Variants in PDE6B observed in about 807,000 individuals in gnomAD.
The protein encoded by PDE6B is rod cGMP-specific 3',5'-cyclic phosphodiesterase subunit beta.
PDE6B carries 106 observed loss-of-function variants against 109.0 expected under a neutral mutation model. The observed-to-expected ratio is 0.97, with a 90% CI of 0.83 to 1.14. The LOEUF (loss-of-function observed/expected upper bound fraction) is 1.14. PDE6B is among the 50% of genes most tolerant of loss of function. The pLI is 0.00. For synonymous variants in PDE6B, 490 were observed against 471.3 expected (o/e 1.04, Z -0.51); for missense variants, 1,193 against 1,155.6 (o/e 1.03, Z -0.47).
At chr4:654,417 C>A in intron 5 of PDE6B, 1 of 630,262 alleles carries the variant, frequency 1.6e-6, no homozygotes. Flanking sequence ...GGGGCTCCTG[C>A]TGCCCCATCT....
At chr4:637,901 G>A (rs954026776) in intron 3 of PDE6B, among the ~76,000 whole-genome samples, 4 of 152,210 alleles carry the variant, frequency 2.6e-5, no homozygotes, top group Admixed American at 2.0e-4. Context: ...GCTGTCCTCC[G>A]CACAGGCACT....
intron 6 of PDE6B, chr4:655,646 G>C (rs1736131663): frequency 1.9e-6 from 1 of 515,330 alleles, no homozygotes; most frequent in Non-Finnish European, 3.5e-6. Context: ...GAACCCCCTG[G>C]CACTCAGAGA....
rs1737690400 is a variant in PDE6B at position 665,472 on chromosome 4, T to C, written c.2268+143T>C. On this transcript the variant is annotated intron_variant, in intron 19 of 21. Coordinates refer to ENST00000496514, the MANE Select transcript of PDE6B (RefSeq NM_000283.4). This position sits in a 1 kb window ranked among gnomAD's most constrained non-coding sequence, Gnocchi z 4.0. ...CCTTATCTCACTTTGTGGGATCATG[T>C]GACATGCGTGTGGGTGGCTCGGACC... The C allele has an allele frequency of 7.1e-6, 5 of 708,048 alleles. No individual in the cohort carries two copies. Among genetic ancestry groups the C allele is most frequent in the Non-Finnish European group, 1.3e-5 (5 of 382,226 alleles). 43.9% of individuals were successfully genotyped at this position (708,048 alleles called of 1,614,324 possible).
At chr4:649,835 C>T (rs72613108) in intron 3 of PDE6B, among the ~76,000 whole-genome samples, 21,513 of 152,174 alleles carry the variant, frequency 0.14, 1,684 homozygotes, top group East Asian at 0.2. Flanking sequence ...CTCCTGGCCC[C>T]TCCTTCCCAT....
Position 660,087 on chromosome 4 carries a change from C to T in PDE6B, c.1468-380C>T, listed in dbSNP as rs73219283. ...GGTGCTCATGTGTGTGCCTGTGTGT[C>T]CACACCGGTGCCTTTGTATTCATGG... On this transcript the variant is annotated intron_variant, in intron 11 of 21. Transcript: ENST00000496514. Among the ~76,000 whole-genome samples, 745 of 152,212 alleles carry T rather than the reference C, an allele frequency of 4.9e-3. 2 individuals are homozygous for T. The highest frequency in any genetic ancestry group is 8.4e-3 in the Non-Finnish European group (573 of 67,994).
At chr4:634,884 C>G (rs112849920) in intron 2 of PDE6B, 55 bp downstream of exon 2, 8 of 1,487,158 alleles carry the variant, frequency 5.4e-6, no homozygotes, top group Non-Finnish European at 7.5e-6. Flanking sequence ...CCTGCCTGCC[C>G]GCCCGCCTGT....
rs776905782 is a variant in PDE6B, at chr4:657,001, A to T, written c.1235A>T (p.Glu412Val). The change falls in exon 9 of 22, where the codon GAA (glutamate) becomes GTA (valine). Residue 412 changes from glutamate (E) to valine (V), a missense_variant. Physicochemically the swap from Glu to Val is moderately radical, Grantham distance 121. Coordinates refer to ENST00000496514, the MANE Select transcript of PDE6B (RefSeq NM_000283.4). ...YNRKDGKPFD[E>V]QDEVLMESLT... The stretch of plus-strand genomic sequence containing the variant: ...AGGAAAGACGGGAAGCCCTTTGACG[A>T]ACAGGACGAGGTTCTCATGGAGGTA... 2.5e-6 allele frequency: 4 copies of T among 1,613,152 alleles called. No individual in the cohort carries two copies. In the African/African-American group the frequency reaches 5.3e-5, roughly 22 times the overall value.
intron 1 of PDE6B, among the ~76,000 whole-genome samples, chr4:627,186 A>C (rs1364351075): frequency 1.3e-5 from 2 of 149,076 alleles, no homozygotes; most frequent in African/African-American, 5.0e-5. Flanking sequence ...TTGCTCTGTC[A>C]CCAGGCTGGA....
At chr4:667,537 G>A (rs1170036994) in intron 20 of PDE6B, among the ~76,000 whole-genome samples, 3 of 152,164 alleles carry the variant, frequency 2.0e-5, no homozygotes, top group Non-Finnish European at 2.9e-5. Context: ...GCTGCCTGCT[G>A]TCCGCCTGTG....
At chr4:639,561 G>C (rs1734850228) in intron 3 of PDE6B, among the ~76,000 whole-genome samples, 1 of 152,250 alleles carries the variant, frequency 6.6e-6, no homozygotes, top group Non-Finnish European at 1.5e-5. Context: ...GGGCAGGAGA[G>C]ATGCCTCTAA....
rs867408880 is a variant in PDE6B at position 626,696 on chromosome 4, G to A, written c.468+602G>A. The stretch of plus-strand genomic sequence containing the variant: ...GGGGTCCAGGGTGGGACTGGGGAGG[G>A]ACAAGAGACAGAATCGAGACAGGCT... On this transcript the variant is annotated intron_variant, in intron 1 of 21. Transcript: ENST00000496514. This position sits in a 1 kb window ranked among gnomAD's most constrained non-coding sequence, Gnocchi z 4.6. Among the ~76,000 whole-genome samples the A allele has an allele frequency of 2.0e-5, 3 of 152,220 alleles. No homozygotes were observed. The highest frequency in any genetic ancestry group is 2.9e-5 in the Non-Finnish European group (2 of 68,036).
chr4:627,473 G>A (rs1026721655), intron 1 of PDE6B, among the ~76,000 whole-genome samples: 1 of 152,090 alleles, frequency 6.6e-6, no homozygotes, highest in Non-Finnish European at 1.5e-5. Flanking sequence ...TATCCCAATG[G>A]CAGTAAGCAA....
chr4:635,228 C>T (rs1275338156), intron 2 of PDE6B, among the ~76,000 whole-genome samples: 12 of 85,106 alleles, frequency 1.4e-4, no homozygotes, highest in Admixed American at 4.0e-4. Context: ...GCTGCGTGTC[C>T]ACCTCCTTAC....
rs1179515943 is a variant in PDE6B at position 657,352 on chromosome 4, C to A, written c.1259C>A (p.Ser420Tyr). The A allele has an allele frequency of 5.0e-6, 8 of 1,612,812 alleles. No homozygotes were observed. The highest frequency in any genetic ancestry group is 6.8e-6 in the Non-Finnish European group (8 of 1,179,864). ...FDEQDEVLME[S>Y]LTQFLGWSVM... is the part of the protein sequence containing the mutation. ...CAGTGACACTGCCATCCCCTCCAGT[C>A]CCTGACACAGTTCCTGGGCTGGTCA... Residue 420 changes from serine to tyrosine, a missense_variant and splice_region_variant, in exon 10 of 22, where the codon TCC (serine) becomes TAC (tyrosine). Ser to Tyr is a moderately radical substitution (Grantham distance 144). Coordinates refer to ENST00000496514, the MANE Select transcript of PDE6B (RefSeq NM_000283.4).
chr4:654,976 C>T, intron 6 of PDE6B, 88 bp downstream of exon 6: 1 of 848,852 alleles, frequency 1.2e-6, no homozygotes, highest in Non-Finnish European at 2.1e-6. Flanking sequence ...CCTCCCAGGG[C>T]TTCCCACGGT....
Position 663,620 on chromosome 4 carries a change from G to GA in PDE6B, c.1921-149dup. 1.4e-6 allele frequency: 1 copy of GA among 692,472 alleles called. No individual in the cohort carries two copies. The highest frequency in any genetic ancestry group is 2.6e-6 in the Non-Finnish European group (1 of 377,990). 42.9% of individuals were successfully genotyped at this position (692,472 alleles called of 1,614,324 possible). A position where few individuals can be genotyped will look rare whatever the true frequency, so the allele number is the denominator to read the frequency against. On this transcript the variant is annotated intron_variant, in intron 15 of 21. Transcript: ENST00000496514. This position sits in a 1 kb window ranked among gnomAD's most constrained non-coding sequence, Gnocchi z 4.0. The stretch of plus-strand genomic sequence containing the variant: ...AGCTGGGCACCCTGAGGAGGGCCCT[G>GA]AGCAGCAGGCGGATTAGGGGTCCCG...
Position 663,916 on chromosome 4 carries a change from C to T in PDE6B, c.2021+46C>T. On this transcript the variant is annotated intron_variant, in intron 16 of 21. Coordinates refer to ENST00000496514, the MANE Select transcript of PDE6B (RefSeq NM_000283.4). The surrounding 1 kb of genome is among the most constrained non-coding windows in gnomAD (Gnocchi z 4.0). Reference sequence around the variant, plus strand: ...GGCGCCTCGCGGGGCGGGCGGGTAGCCTGGGACCCCCGGCAGACACGGGGG... The same window carrying T: ...GGCGCCTCGCGGGGCGGGCGGGTAGTCTGGGACCCCCGGCAGACACGGGGG... 1.4e-5 allele frequency: 20 copies of T among 1,415,010 alleles called. No individual in the cohort carries two copies. Among genetic ancestry groups the T allele is most frequent in the Non-Finnish European group, 1.8e-5 (18 of 1,018,932 alleles). 87.7% of individuals were successfully genotyped at this position (1,415,010 alleles called of 1,614,324 possible).
At chr4:643,082 G>A (rs1213420510) in intron 3 of PDE6B, among the ~76,000 whole-genome samples, 2 of 152,058 alleles carry the variant, frequency 1.3e-5, no homozygotes, top group African/African-American at 4.8e-5. Context: ...GGTTGAGGCG[G>A]GCGGATCACG....
At position 663,705 on chromosome 4, in the gene PDE6B, G is replaced by A; in HGVS notation, c.1921-65G>A. The A allele has an allele frequency of 8.3e-7, 1 of 1,206,922 alleles. No homozygotes were observed. 74.8% of individuals were successfully genotyped at this position (1,206,922 alleles called of 1,614,324 possible). ...CACAGGCAGCCGAGGCGGAAGGGGC[G>A]GGGTCCCCGGGCACCCTGAGAGGTG... is the stretch of plus-strand genomic sequence containing the variant. On this transcript the variant is annotated intron_variant, in intron 15 of 21. Coordinates refer to ENST00000496514, the MANE Select transcript of PDE6B (RefSeq NM_000283.4). This position sits in a 1 kb window ranked among gnomAD's most constrained non-coding sequence, Gnocchi z 4.0.
Sources: gnomAD v4.1 joint callset for allele counts (sites outside exome capture counted in the v4.1 genomes callset) on GRCh38, gnomAD v4.1.1 for gene constraint, Gnocchi (gnomAD v3.1) non-coding constraint, MANE v1.5 for transcripts, NCBI Gene and HGNC (gene_info 2026-07-23, HGNC 2026-07-21) for gene names.